The following VPS37A variants were observed in gnomAD, a reference collection of about 807,000 sequenced individuals.
The protein encoded by VPS37A is vacuolar protein sorting-associated protein 37A.
VPS37A carries 30 observed loss-of-function variants against 49.8 expected under a neutral mutation model. The ratio of observed to expected loss-of-function variants is 0.60; its 90% CI spans 0.45 to 0.82. The LOEUF is 0.82. Among genes scored for constraint, VPS37A ranks in the 40% least tolerant of loss-of-function variants. VPS37A has a pLI of 0.00. For missense variants in VPS37A, 593 were observed against 464.4 expected, an observed-to-expected ratio of 1.28 and a Z score of -2.55; for synonymous variants, 195 against 160.6, an observed-to-expected ratio of 1.21 and a Z score of -1.62.
downstream of VPS37A, chr8:17,298,898 C>T (rs1678793357): frequency 6.6e-6 from 1 of 152,194 alleles, no homozygotes. Flanking sequence ...TAGCCAGTTA[C>T]ATAATTTCTA....
chr8:17,277,561 A>T (rs774035751), intron 6 of VPS37A, among the ~76,000 whole-genome samples: 9 of 152,018 alleles, frequency 5.9e-5, no homozygotes, highest in Non-Finnish European at 8.8e-5. Flanking sequence ...CCATTATTCT[A>T]AAGCAAATCC....
At chr8:17,317,986 T>G in the VPS37A span, among the ~76,000 whole-genome samples, 1 of 152,118 alleles carries the variant, frequency 6.6e-6, no homozygotes, top group Non-Finnish European at 1.5e-5. Context: ...TGTGTTTAAC[T>G]GGAACAGAAA....
At chr8:17,290,304 A>C (rs766146141) in intron 11 of VPS37A, among the ~76,000 whole-genome samples, 12 of 152,140 alleles carry the variant, frequency 7.9e-5, no homozygotes, top group Non-Finnish European at 1.6e-4. Flanking sequence ...TCAGTATGAC[A>C]TTGGCTGTGG....
At chr8:17,284,211 T>A (rs1251045237) in intron 9 of VPS37A, among the ~76,000 whole-genome samples, 2 of 152,200 alleles carry the variant, frequency 1.3e-5, no homozygotes, top group African/African-American at 4.8e-5. Flanking sequence ...TCGTAAATCC[T>A]TAGGAGAGAA....
the VPS37A span, among the ~76,000 whole-genome samples, chr8:17,333,443 A>G: frequency 2.0e-5 from 3 of 152,212 alleles, no homozygotes; most frequent in Non-Finnish European, 2.9e-5. Context: ...AATTAATAGG[A>G]GATTTGAAAG....
In VPS37A at chr8:17,274,753, G is replaced by C. The variant is rs758355214; in HGVS notation, c.437G>C (p.Gly146Ala). 2 of 1,613,868 alleles carry C rather than the reference G, an allele frequency of 1.2e-6. No individual in the cohort carries two copies. Among genetic ancestry groups the C allele is most frequent in the East Asian group, 4.5e-5 (2 of 44,864 alleles). Residue 146 changes from glycine to alanine, a missense_variant, in exon 5 of 12, where the codon GGG becomes GCG. Physicochemically the swap from Gly to Ala is moderately conservative, Grantham distance 60 (BLOSUM62 0). Coordinates refer to ENST00000324849, the MANE Select transcript of VPS37A (RefSeq NM_152415.3). ...TTCAGTCTATACAGTAACCCAAGTGGGATGTCTCCTTATGCTTCTCAGGGT... is the reference window on the plus strand; with the variant it reads ...TTCAGTCTATACAGTAACCCAAGTGCGATGTCTCCTTATGCTTCTCAGGGT... ...AFPYLYSNPSGMSPYASQGFP... is the reference protein window; with the variant it reads ...AFPYLYSNPSAMSPYASQGFP...
chr8:17,292,560 G>C (rs1816251108), intron 11 of VPS37A, among the ~76,000 whole-genome samples: 2 of 152,282 alleles, frequency 1.3e-5, no homozygotes, highest in Admixed American at 1.3e-4. Context: ...AGTATCAATG[G>C]TCTTTACATT....
chr8:17,275,967 T>C (rs1194449964), intron 5 of VPS37A, among the ~76,000 whole-genome samples: 1 of 152,160 alleles, frequency 6.6e-6, no homozygotes, highest in Non-Finnish European at 1.5e-5. Flanking sequence ...TCATATATAT[T>C]CAAACAGTGG....
At chr8:17,260,272 G>A (rs1473428441) in intron 1 of VPS37A, among the ~76,000 whole-genome samples, 1 of 152,040 alleles carries the variant, frequency 6.6e-6, no homozygotes, top group Non-Finnish European at 1.5e-5. Context: ...AAACATATAT[G>A]TAATAAGTTA....
chr8:17,279,934 A>C (rs770969062), intron 6 of VPS37A, 94 bp from the exon 7 acceptor site: 11 of 1,514,486 alleles, frequency 7.3e-6, no homozygotes, highest in Middle Eastern at 3.4e-4. Flanking sequence ...TTAGAACCCT[A>C]TCAGTTAACT....
chr8:17,313,276 C>T, the VPS37A span: 1 of 1,578,344 alleles, frequency 6.3e-7, no homozygotes, highest in Non-Finnish European at 8.7e-7. Context: ...AATTTATTTT[C>T]TCTGCAATTG....
chr8:17,274,828 C>T lies in VPS37A; in HGVS notation c.512C>T (p.Thr171Ile), dbSNP rs200401367. Reference protein sequence around the residue: ...YPPQEANRSITSLSVADTVSS... With the variant: ...YPPQEANRSIISLSVADTVSS... ...CCACAAGAAGCAAACAGGAGTATCA[C>T]TTCTTTATCTGTTGCTGACACTGTT... The change falls in exon 5 of 12, where the codon ACT (threonine) becomes ATT (isoleucine). Residue 171 changes from threonine (T) to isoleucine (I), a missense_variant. By Grantham distance (89) the Thr-to-Ile change is moderately conservative. Coordinates refer to ENST00000324849, the MANE Select transcript of VPS37A (RefSeq NM_152415.3). The T allele has an allele frequency of 9.9e-6, 16 of 1,614,032 alleles. No homozygotes were observed. In the African/African-American group the frequency reaches 1.6e-4, roughly 16 times the overall value.
chr8:17,280,480 T>A, intron 9 of VPS37A, 37 bp downstream of exon 9: 1 of 1,560,012 alleles, frequency 6.4e-7, no homozygotes, highest in African/African-American at 1.4e-5. Flanking sequence ...GCCATAGATT[T>A]TTTTTTTAAT....
In VPS37A at chr8:17,297,858, A is replaced by T. The variant is rs954682717; in HGVS notation, c.*2872A>T. 2.0e-5 allele frequency: 3 copies of T among 152,084 alleles called. No individual in the cohort carries two copies. The highest frequency in any genetic ancestry group is 2.9e-5 in the Non-Finnish European group (2 of 67,934). 9.4% of individuals were successfully genotyped at this position (152,084 alleles called of 1,614,324 possible). On this transcript the variant is annotated 3_prime_UTR_variant, in exon 12 of 12. Transcript: ENST00000324849. Reference sequence around the variant, plus strand: ...AGTGCTAGGTTAACTTCTAATAAGCAGACGAACATGTTACATAAATTATAA... The same window carrying T: ...AGTGCTAGGTTAACTTCTAATAAGCTGACGAACATGTTACATAAATTATAA...
downstream of VPS37A, among the ~76,000 whole-genome samples, chr8:17,304,129 T>TAA (rs1430317958): frequency 6.6e-6 from 1 of 152,202 alleles, no homozygotes; most frequent in Non-Finnish European, 1.5e-5. Flanking sequence ...AATTGGAACT[T>TAA]AACCTTTTTA....
intron 4 of VPS37A, among the ~76,000 whole-genome samples, 166 bp from the exon 5 acceptor site, chr8:17,274,567 C>A (rs975126245): frequency 6.6e-6 from 1 of 152,052 alleles, no homozygotes; most frequent in Non-Finnish European, 1.5e-5. Context: ...TATTTTACCA[C>A]TTTATATAAT....
At chr8:17,312,070 C>A in the VPS37A span, among the ~76,000 whole-genome samples, 1 of 152,032 alleles carries the variant, frequency 6.6e-6, no homozygotes, top group Non-Finnish European at 1.5e-5. Flanking sequence ...AGGTAAGCGT[C>A]AAGTAATGGA....
intron 1 of VPS37A, among the ~76,000 whole-genome samples, chr8:17,261,258 A>T (rs570843246): frequency 6.6e-6 from 1 of 152,110 alleles, no homozygotes; most frequent in African/African-American, 2.4e-5. Context: ...TGCCATGGAG[A>T]GCCTCTAATG....
At chr8:17,302,147 G>A (rs765467089), downstream of VPS37A, 14 of 1,613,898 alleles carry the variant, frequency 8.7e-6, no homozygotes, top group Non-Finnish European at 1.1e-5. Context: ...AAGCAAGTAT[G>A]TCTTACTTCT....
Sources: allele counts gnomAD v4.1 joint callset (sites outside exome capture counted in the v4.1 genomes callset), GRCh38; gene constraint gnomAD v4.1.1; transcripts MANE v1.5; gene names NCBI Gene and HGNC (gene_info 2026-07-23, HGNC 2026-07-21).